The following SLC10A7 variants were observed in gnomAD, a reference collection of about 807,000 sequenced individuals.
SLC10A7 encodes solute carrier family 10 member 7.
Under a neutral mutation model 43.2 loss-of-function variants are expected in SLC10A7, and 29 were observed. That is an observed-to-expected ratio of 0.67 (90% confidence interval 0.50 to 0.92). The LOEUF is 0.92. SLC10A7 is among the 40% of genes least tolerant of loss of function. SLC10A7 has a pLI of 0.00. For missense variants in SLC10A7, 295 were observed against 403.2 expected (o/e 0.73, Z 2.30); for synonymous variants, 152 against 144.8 (o/e 1.05, Z -0.35).
chr4:146,373,375 G>A (rs1331717093), intron 5 of SLC10A7, among the ~76,000 whole-genome samples: 1 of 151,778 alleles, frequency 6.6e-6, no homozygotes, highest in Non-Finnish European at 1.5e-5. Context: ...TCAAGTGGCT[G>A]AGGTGGGACG....
chr4:146,440,267 G>C (rs1730496643), intron 5 of SLC10A7, among the ~76,000 whole-genome samples: 1 of 131,088 alleles, frequency 7.6e-6, no homozygotes, highest in Non-Finnish European at 1.6e-5. Flanking sequence ...CAGGTTTTAG[G>C]GAGGTCTTTT....
At chr4:146,341,261 C>A (rs1442819763) in intron 5 of SLC10A7, among the ~76,000 whole-genome samples, 1 of 151,664 alleles carries the variant, frequency 6.6e-6, no homozygotes, top group Non-Finnish European at 1.5e-5. Context: ...GGGAAATGAT[C>A]ACAGTATTGT....
chr4:146,337,687 T>C (rs577010041), intron 5 of SLC10A7, among the ~76,000 whole-genome samples: 1 of 151,926 alleles, frequency 6.6e-6, no homozygotes, highest in African/African-American at 2.4e-5. Flanking sequence ...ATCCTAATTT[T>C]ATAGGTGAGA....
intron 10 of SLC10A7, among the ~76,000 whole-genome samples, chr4:146,259,084 G>A (rs377677922): frequency 6.6e-6 from 1 of 152,122 alleles, no homozygotes; most frequent in Non-Finnish European, 1.5e-5. Flanking sequence ...TAATTCTCAC[G>A]GCAAATTAGA....
chr4:146,348,345 G>A (rs1015320439), intron 5 of SLC10A7, among the ~76,000 whole-genome samples: 1 of 152,070 alleles, frequency 6.6e-6, no homozygotes, highest in Non-Finnish European at 1.5e-5. Flanking sequence ...ACCAAACACA[G>A]CAAAAGCTTT....
At chr4:146,464,353 C>T (rs769451767) in intron 4 of SLC10A7, among the ~76,000 whole-genome samples, 1 of 152,094 alleles carries the variant, frequency 6.6e-6, no homozygotes, top group Non-Finnish European at 1.5e-5. Flanking sequence ...AAAAGATACA[C>T]ATAAAAACAT....
chr4:146,505,742 C>G (rs1349651217), intron 3 of SLC10A7, among the ~76,000 whole-genome samples: 2 of 152,076 alleles, frequency 1.3e-5, no homozygotes, highest in Non-Finnish European at 2.9e-5. Context: ...GTCGTCTGTC[C>G]TATTATAAAT....
chr4:146,308,096 T>A (rs1437542106), intron 6 of SLC10A7, among the ~76,000 whole-genome samples: 1 of 152,120 alleles, frequency 6.6e-6, no homozygotes, highest in East Asian at 1.9e-4. Context: ...TCTGATCCAC[T>A]TGACTGGAAA....
intron 6 of SLC10A7, among the ~76,000 whole-genome samples, chr4:146,306,970 T>G (rs941000604): frequency 6.6e-6 from 1 of 152,196 alleles, no homozygotes; most frequent in African/African-American, 2.4e-5. Flanking sequence ...GAAATATCTT[T>G]TGGAAAACAA....
At chr4:146,296,659 A>G (rs1730805841) in intron 7 of SLC10A7, among the ~76,000 whole-genome samples, 1 of 152,200 alleles carries the variant, frequency 6.6e-6, no homozygotes, top group Admixed American at 6.5e-5. Flanking sequence ...TTATTGTGAT[A>G]TTTGTCTACA....
chr4:146,452,990 C>T (rs563268120), intron 4 of SLC10A7, among the ~76,000 whole-genome samples: 8 of 150,096 alleles, frequency 5.3e-5, no homozygotes, highest in African/African-American at 2.0e-4. Flanking sequence ...AGTATGTATA[C>T]TATATACAGA....
chr4:146,507,596 T>C (rs1737041194), intron 3 of SLC10A7, among the ~76,000 whole-genome samples: 1 of 151,982 alleles, frequency 6.6e-6, no homozygotes, highest in Non-Finnish European at 1.5e-5. Flanking sequence ...AATCAATCTG[T>C]CACCATAACT....
At chr4:146,450,344 T>C (rs1731474352) in intron 4 of SLC10A7, among the ~76,000 whole-genome samples, 1 of 152,192 alleles carries the variant, frequency 6.6e-6, no homozygotes, top group Non-Finnish European at 1.5e-5. Context: ...GAAGACAAAG[T>C]ATACAGGAAG....
chr4:146,496,675 A>C (rs1028476897), intron 4 of SLC10A7, among the ~76,000 whole-genome samples: 30 of 152,166 alleles, frequency 2.0e-4, no homozygotes, highest in African/African-American at 7.0e-4. Context: ...CTCCACAACT[A>C]TCCATTTATT....
intron 5 of SLC10A7, among the ~76,000 whole-genome samples, chr4:146,419,807 G>A (rs1424189740): frequency 6.6e-6 from 1 of 151,952 alleles, no homozygotes; most frequent in Non-Finnish European, 1.5e-5. Context: ...CTGCACTCTA[G>A]CCTGGGTAAC....
At chr4:146,452,118 G>T (rs1425530421) in intron 4 of SLC10A7, among the ~76,000 whole-genome samples, 1 of 152,078 alleles carries the variant, frequency 6.6e-6, no homozygotes, top group Non-Finnish European at 1.5e-5. Flanking sequence ...CGGCAGATCA[G>T]ATAAATAAAA....
intron 5 of SLC10A7, among the ~76,000 whole-genome samples, chr4:146,376,477 C>A (rs1202243115): frequency 6.6e-6 from 1 of 152,032 alleles, no homozygotes; most frequent in Non-Finnish European, 1.5e-5. Context: ...AACCCCAAAC[C>A]CCACTGGCAC....
chr4:146,306,131 A>T (rs1299629791), intron 6 of SLC10A7, 122 bp from the exon 7 acceptor site: 1 of 597,538 alleles, frequency 1.7e-6, no homozygotes, highest in Non-Finnish European at 2.6e-6. Flanking sequence ...CTATCTACAA[A>T]GAATAAGTGA....
Position 146,414,721 on chromosome 4 carries a change from T to C in SLC10A7, c.435+28062A>G, listed in dbSNP as rs1159931043. Among the ~76,000 whole-genome samples, 4 of 141,674 alleles carry C rather than the reference T, an allele frequency of 2.8e-5. No homozygotes were observed. In the East Asian group the frequency reaches 6.1e-4, roughly 22 times the overall value. 92.9% of individuals were successfully genotyped at this position (141,674 alleles called of 152,430 possible). A position where few individuals can be genotyped will look rare whatever the true frequency, so the allele number is the denominator to read the frequency against. ...CTGGGAGAAAAAGCAAGACTCCATC[T>C]AAAAAAAAAAAAAACTCACTGAGAA... is the stretch of plus-strand genomic sequence containing the variant. On this transcript the variant is annotated intron_variant, in intron 5 of 11. Transcript: ENST00000335472.
Sources: allele counts gnomAD v4.1 joint callset (sites outside exome capture counted in the v4.1 genomes callset), GRCh38; gene constraint gnomAD v4.1.1; transcripts MANE v1.5; gene names NCBI Gene and HGNC (gene_info 2026-07-23, HGNC 2026-07-21).